The following MAGI2 variants were observed in gnomAD, a reference collection of about 807,000 sequenced individuals.
MAGI2 encodes the protein membrane associated guanylate kinase, WW and PDZ domain containing 2.
MAGI2 carries 35 observed loss-of-function variants against 133.3 expected under a neutral mutation model. That is an observed-to-expected ratio of 0.26 (90% CI 0.20 to 0.35). MAGI2 has a LOEUF of 0.35. Ranked by LOEUF, MAGI2 falls within the 10% of genes least tolerant of loss-of-function variation. The pLI is 1.00. For synonymous variants in MAGI2, 729 were observed against 710.6 expected, an observed-to-expected ratio of 1.03 and a Z score of -0.41; for missense variants, 1,636 against 1,863.4, an observed-to-expected ratio of 0.88 and a Z score of 2.25.
At chr7:78,829,213 T>G (rs1407344752) in intron 2 of MAGI2, among the ~76,000 whole-genome samples, 2 of 152,120 alleles carry the variant, frequency 1.3e-5, no homozygotes, top group Non-Finnish European at 2.9e-5. Flanking sequence ...TTTTTATTAG[T>G]GTCCATCTAG....
intron 2 of MAGI2, among the ~76,000 whole-genome samples, chr7:79,004,873 G>A (rs893812550): frequency 3.3e-5 from 5 of 151,964 alleles, no homozygotes; most frequent in African/African-American, 9.7e-5. Context: ...ACCTGAGGTC[G>A]GGAGCTTGAG....
At chr7:78,299,080 A>C (rs1022051467) in intron 9 of MAGI2, among the ~76,000 whole-genome samples, 1 of 152,160 alleles carries the variant, frequency 6.6e-6, no homozygotes, top group Non-Finnish European at 1.5e-5. Context: ...GGCCTCCCAA[A>C]GTGCTGGGAT....
At chr7:78,504,931 A>G (rs2150536068) in intron 4 of MAGI2, among the ~76,000 whole-genome samples, 1 of 152,258 alleles carries the variant, frequency 6.6e-6, no homozygotes, top group Admixed American at 6.5e-5. Flanking sequence ...TATAGTATTA[A>G]TCCTATTTTT....
At chr7:78,372,662 TA>T (rs1209366034) in intron 6 of MAGI2, among the ~76,000 whole-genome samples, 2 of 152,164 alleles carry the variant, frequency 1.3e-5, no homozygotes, top group Non-Finnish European at 2.9e-5. Flanking sequence ...ATTCAGTGAT[TA>T]AATATTCCTA....
At chr7:79,065,954 C>T (rs1399974625) in intron 1 of MAGI2, among the ~76,000 whole-genome samples, 1 of 152,132 alleles carries the variant, frequency 6.6e-6, no homozygotes, top group Non-Finnish European at 1.5e-5. Flanking sequence ...TTTATCCAGT[C>T]TATTATTGAT....
At chr7:79,410,926 T>C (rs1452224209) in intron 1 of MAGI2, 1 of 152,184 alleles carries the variant, frequency 6.6e-6, no homozygotes, top group African/African-American at 2.4e-5. Flanking sequence ...CTACTACTTA[T>C]ATACATTCAG....
intron 1 of MAGI2, among the ~76,000 whole-genome samples, chr7:79,133,229 G>C (rs184816562): frequency 1.3e-5 from 2 of 152,022 alleles, no homozygotes; most frequent in South Asian, 4.1e-4. Flanking sequence ...TGCCTATGCC[G>C]ATGTCTAGAA....
At chr7:78,095,698 G>T (rs1426348797) in intron 20 of MAGI2, among the ~76,000 whole-genome samples, 1 of 152,144 alleles carries the variant, frequency 6.6e-6, no homozygotes, top group Non-Finnish European at 1.5e-5. Context: ...GGAGAGAAGG[G>T]ATGGTTAATG....
Position 78,019,432 on chromosome 7 carries a change from T to C in MAGI2, c.4251A>G (p.Arg1417=), listed in dbSNP as rs1242535120. ...TGCGCGCCGGGGCGCCCCCCGGGGG[T>C]CGCGGGCCCGGCCGGGGACCCGCGC... ...GARAGPRPGP[R]PPGGAPARKA... The change falls in exon 22 of 22, where the codon CGA becomes CGG. Residue 1417 remains arginine (R), a synonymous_variant. Coordinates refer to ENST00000354212, the MANE Select transcript of MAGI2 (RefSeq NM_012301.4). 2 of 1,029,572 alleles carry C rather than the reference T, an allele frequency of 1.9e-6. No homozygotes were observed. Among genetic ancestry groups the C allele is most frequent in the Non-Finnish European group, 2.3e-6 (2 of 860,846 alleles). The allele number at this position is 1,029,572 out of a possible 1,614,324, so 63.8% of individuals were successfully genotyped here. A position where few individuals can be genotyped will look rare whatever the true frequency, so the allele number is the denominator to read the frequency against.
intron 20 of MAGI2, among the ~76,000 whole-genome samples, chr7:78,117,376 TA>T (rs559246776): frequency 1.2e-4 from 18 of 151,884 alleles, no homozygotes; most frequent in South Asian, 2.1e-4. Flanking sequence ...AATTGAACCA[TA>T]AAAATCCTTT....
intron 6 of MAGI2, among the ~76,000 whole-genome samples, chr7:78,435,802 C>T (rs1288553540): frequency 1.3e-5 from 2 of 152,146 alleles, no homozygotes; most frequent in African/African-American, 2.4e-5. Flanking sequence ...CAGTTCCTTG[C>T]TAAAGGCAAA....
At chr7:78,692,538 T>C (rs1817077074) in intron 2 of MAGI2, among the ~76,000 whole-genome samples, 1 of 152,198 alleles carries the variant, frequency 6.6e-6, no homozygotes, top group Non-Finnish European at 1.5e-5. Context: ...TTCGATTAAG[T>C]GTTAAGAGCT....
intron 21 of MAGI2, among the ~76,000 whole-genome samples, chr7:78,073,845 A>G (rs1814986021): frequency 6.6e-6 from 1 of 152,210 alleles, no homozygotes; most frequent in African/African-American, 2.4e-5. Context: ...GAATAGCAAT[A>G]ACCAGGGTGA....
intron 2 of MAGI2, among the ~76,000 whole-genome samples, chr7:78,821,405 T>G (rs1431562202): frequency 6.6e-6 from 1 of 151,928 alleles, no homozygotes; most frequent in East Asian, 1.9e-4. Flanking sequence ...AATAACAGGT[T>G]GATAAGTATG....
chr7:78,580,123 T>C (rs148442749), intron 3 of MAGI2, among the ~76,000 whole-genome samples: 1 of 152,228 alleles, frequency 6.6e-6, no homozygotes, highest in African/African-American at 2.4e-5. Flanking sequence ...TATGTGAATA[T>C]GTATGTGTGA....
intron 3 of MAGI2, among the ~76,000 whole-genome samples, chr7:78,555,406 A>C (rs1163504302): frequency 3.9e-5 from 6 of 152,152 alleles, no homozygotes; most frequent in Non-Finnish European, 8.8e-5. Context: ...GTAGATGATA[A>C]AATATCAGAA....
chr7:78,776,820 T>C (rs1329953489), intron 2 of MAGI2, among the ~76,000 whole-genome samples: 1 of 151,884 alleles, frequency 6.6e-6, no homozygotes, highest in East Asian at 1.9e-4. Flanking sequence ...TTGAGAAAAT[T>C]ATCTTCTTTT....
Position 78,891,174 on chromosome 7 carries a change from C to A in MAGI2, c.418+115916G>T, listed in dbSNP as rs985193854. 2.8e-4 allele frequency among the ~76,000 whole-genome samples: 42 copies of A among 152,122 alleles called. 1 individual carries two copies. The highest frequency in any genetic ancestry group is 6.5e-5 in the Admixed American group (1 of 15,280). ...ACACATACACCCTCCCAAGACTAAA[C>A]CAGGAAGAAGTTGAATTTCTGAATA... On this transcript the variant is annotated intron_variant, in intron 2 of 21. Transcript: ENST00000354212.
At chr7:78,473,487 T>G (rs1791433134) in intron 6 of MAGI2, among the ~76,000 whole-genome samples, 1 of 152,078 alleles carries the variant, frequency 6.6e-6, no homozygotes, top group Non-Finnish European at 1.5e-5. Flanking sequence ...TACTGTTCTC[T>G]CCCATCTATA....
Sources: allele counts gnomAD v4.1 joint callset (sites outside exome capture counted in the v4.1 genomes callset), GRCh38; gene constraint gnomAD v4.1.1; transcripts MANE v1.5; gene names NCBI Gene and HGNC (gene_info 2026-07-23, HGNC 2026-07-21).